RAPGEF4: variants seen among roughly 807,000 people sequenced by gnomAD.
RAPGEF4 encodes RAP guanine-nucleotide-exchange factor (GEF) 4.
Under a neutral mutation model 147.9 loss-of-function variants are expected in RAPGEF4, and 66 were observed. That is an observed-to-expected ratio of 0.45 (90% confidence interval 0.37 to 0.55). RAPGEF4 has a LOEUF of 0.55. Among genes scored for constraint, RAPGEF4 ranks in the 20% least tolerant of loss-of-function variants. The probability of loss-of-function intolerance (pLI) is 0.00; values close to 1 mark genes in which losing one functional copy is unlikely to be tolerated. For missense variants in RAPGEF4, 1,071 were observed against 1,257.3 expected (o/e 0.85, Z 2.24); for synonymous variants, 419 against 442.7 (o/e 0.95, Z 0.67).
rs372836704 is a variant in RAPGEF4, at chr2:172,919,427, C to T, written c.517+1553C>T. ...CAGACCTGATCATTCCCGTTGCCCA[C>T]GTCCAGACTCCATTCCGCCTTGGCT... On this transcript the variant is annotated intron_variant, in intron 5 of 30. Coordinates refer to ENST00000397081, the MANE Select transcript of RAPGEF4 (RefSeq NM_007023.4). Among the ~76,000 whole-genome samples, 52 of 152,150 alleles carry T rather than the reference C, an allele frequency of 3.4e-4. 1 individual carries two copies. The highest frequency in any genetic ancestry group is 6.3e-3 in the Middle Eastern group (2 of 316).
At chr2:172,896,668 A>G (rs1698510950) in intron 4 of RAPGEF4, among the ~76,000 whole-genome samples, 1 of 151,784 alleles carries the variant, frequency 6.6e-6, no homozygotes, top group Admixed American at 6.6e-5. Flanking sequence ...CTATTGAAAG[A>G]CTGATTTAAA....
intron 6 of RAPGEF4, among the ~76,000 whole-genome samples, chr2:172,924,313 G>A (rs1232779102): frequency 6.6e-6 from 1 of 152,168 alleles, no homozygotes; most frequent in Non-Finnish European, 1.5e-5. Context: ...CTAAGCAGAG[G>A]GCTAACAGCT....
chr2:172,934,147 C>CTTTTTTTTT (rs5836396), intron 6 of RAPGEF4, among the ~76,000 whole-genome samples: 4 of 99,134 alleles, frequency 4.0e-5, no homozygotes, highest in Non-Finnish European at 7.3e-5. Flanking sequence ...TTATTTAATC[C>CTTTTTTTTT]TTTTTTTTTT....
chr2:173,036,159 CAGT>C lies in RAPGEF4; in HGVS notation c.2738_2740del (p.Val913del). ...AGGAACCACAGGGCCTACAGGCTGACAGTAGCTAAGCTGGAACCTCCTCTCATC... is the reference window on the plus strand; with the variant it reads ...AGGAACCACAGGGCCTACAGGCTGACAGCTAAGCTGGAACCTCCTCTCATC... On this transcript the variant is annotated inframe_deletion, in exon 28 of 31. Coordinates refer to ENST00000397081, the MANE Select transcript of RAPGEF4 (RefSeq NM_007023.4). 6.2e-7 allele frequency: 1 copy of C among 1,613,034 alleles called. No homozygotes were observed.
chr2:173,021,146 GCAGAAAATGGCAAAGTC>G (rs1364439619), intron 23 of RAPGEF4, among the ~76,000 whole-genome samples: 3 of 152,170 alleles, frequency 2.0e-5, no homozygotes, highest in African/African-American at 7.2e-5. Flanking sequence ...TCTACCTTAT[GCAGAAAATGGCAAAGTC>G]CAGACCCTTC....
chr2:172,828,265 G>A (rs1689897998), intron 4 of RAPGEF4, among the ~76,000 whole-genome samples: 1 of 152,162 alleles, frequency 6.6e-6, no homozygotes, highest in Non-Finnish European at 1.5e-5. Flanking sequence ...CTCACTCCAT[G>A]GGCGTCGCAT....
intron 4 of RAPGEF4, among the ~76,000 whole-genome samples, chr2:172,911,842 T>C (rs905575430): frequency 3.4e-5 from 5 of 148,696 alleles, no homozygotes; most frequent in Non-Finnish European, 6.0e-5. Context: ...TCACAGCTCA[T>C]TGTAGCCTGG....
At chr2:173,030,120 A>G in intron 25 of RAPGEF4, 44 bp from the exon 26 acceptor site, 3 of 1,359,114 alleles carry the variant, frequency 2.2e-6, no homozygotes, top group Non-Finnish European at 2.1e-6. Flanking sequence ...TTTATCTCAC[A>G]CAGAAGTAAC....
At chr2:172,894,941 T>C (rs1358880827) in intron 4 of RAPGEF4, among the ~76,000 whole-genome samples, 1 of 152,050 alleles carries the variant, frequency 6.6e-6, no homozygotes, top group Non-Finnish European at 1.5e-5. Context: ...ACTTTCTGCA[T>C]GTTTGTTGCC....
At chr2:172,848,248 C>T (rs538745794) in intron 4 of RAPGEF4, among the ~76,000 whole-genome samples, 5 of 152,266 alleles carry the variant, frequency 3.3e-5, no homozygotes, top group East Asian at 1.9e-4. Context: ...TGCAGTGACA[C>T]CTGGTTCTAA....
chr2:172,919,056 G>A (rs1014134381), intron 5 of RAPGEF4, among the ~76,000 whole-genome samples: 1 of 152,130 alleles, frequency 6.6e-6, no homozygotes, highest in African/African-American at 2.4e-5. Flanking sequence ...GGAGGGACAG[G>A]TTCATCCTTC....
intron 4 of RAPGEF4, among the ~76,000 whole-genome samples, chr2:172,817,183 A>G (rs145180292): frequency 1.3e-5 from 2 of 152,338 alleles, no homozygotes; most frequent in East Asian, 1.9e-4. Flanking sequence ...TCGTATGTTT[A>G]TACATATATA....
At chr2:172,895,068 G>A (rs1559103879) in intron 4 of RAPGEF4, among the ~76,000 whole-genome samples, 1 of 152,016 alleles carries the variant, frequency 6.6e-6, no homozygotes, top group Non-Finnish European at 1.5e-5. Flanking sequence ...GGTGGGGAGC[G>A]ATTTGTTGTT....
At chr2:172,802,921 A>G (rs1687119068) in intron 3 of RAPGEF4, among the ~76,000 whole-genome samples, 1 of 152,222 alleles carries the variant, frequency 6.6e-6, no homozygotes. Context: ...AAGCTCCAAA[A>G]TGATCTCCTT....
chr2:172,892,287 G>C (rs1198373177), intron 4 of RAPGEF4, among the ~76,000 whole-genome samples: 1 of 152,118 alleles, frequency 6.6e-6, no homozygotes, highest in Non-Finnish European at 1.5e-5. Context: ...TTGTGTTTTG[G>C]AATCAGGTTT....
chr2:172,753,623 A>G (rs938118771), intron 1 of RAPGEF4, among the ~76,000 whole-genome samples: 3 of 152,264 alleles, frequency 2.0e-5, no homozygotes, highest in Admixed American at 2.0e-4. Context: ...CTTTGATTTC[A>G]TAGGATTGAT....
At chr2:172,859,958 G>A (rs753075536) in intron 4 of RAPGEF4, 82 of 885,982 alleles carry the variant, frequency 9.3e-5, no homozygotes, top group Non-Finnish European at 1.0e-4. Context: ...TCCTTGTCCG[G>A]GAGTGACTGC....
chr2:172,862,871 C>T (rs1694187578), intron 4 of RAPGEF4, among the ~76,000 whole-genome samples: 1 of 152,102 alleles, frequency 6.6e-6, no homozygotes, highest in Non-Finnish European at 1.5e-5. Flanking sequence ...CTCTCCTGCC[C>T]TCACAGGATA....
At chr2:172,990,046 G>T (rs1692673908) in intron 14 of RAPGEF4, among the ~76,000 whole-genome samples, 1 of 148,212 alleles carries the variant, frequency 6.7e-6, no homozygotes, top group African/African-American at 2.5e-5. Context: ...AAAAAAAAAG[G>T]CTAAAATGTA....
Sources: gnomAD v4.1 joint callset for allele counts (sites outside exome capture counted in the v4.1 genomes callset) on GRCh38, gnomAD v4.1.1 for gene constraint, MANE v1.5 for transcripts, NCBI Gene and HGNC (gene_info 2026-07-23, HGNC 2026-07-21) for gene names.